Variants in C6orf132 observed in about 807,000 individuals in gnomAD.
The protein encoded by C6orf132 is chromosome 6 open reading frame 132, also known as uncharacterized protein C6orf132.
A neutral mutation model predicts 65.3 loss-of-function variants in C6orf132; 43 were observed. The observed-to-expected ratio is 0.66, with a 90% CI of 0.52 to 0.85. The LOEUF (loss-of-function observed/expected upper bound fraction) is 0.85. Among genes scored for constraint, C6orf132 ranks in the 40% least tolerant of loss-of-function variants. The pLI is 0.00. For missense variants in C6orf132, 1,488 were observed against 1,548.8 expected (o/e 0.96, Z 0.66); for synonymous variants, 631 against 654.1 (o/e 0.96, Z 0.54).
Position 42,104,633 on chromosome 6 carries a change from C to A in C6orf132, c.3279G>T (p.Gly1093=). The part of the protein sequence containing the change: ...GRSLSSPNCF[G]PQPGGPEMRR... ...GCATCTCGGGGCCTCCGGGCTGCGGCCCGAAGCAGTTGGGAGAGCTCAGGC... is the reference window on the plus strand; with the variant it reads ...GCATCTCGGGGCCTCCGGGCTGCGGACCGAAGCAGTTGGGAGAGCTCAGGC... Residue 1093 remains glycine, a synonymous_variant, in exon 4 of 5, where the codon GGG becomes GGT. Coordinates refer to ENST00000341865, the MANE Select transcript of C6orf132 (RefSeq NM_001164446.3). This position sits in a 1 kb window ranked among gnomAD's most constrained non-coding sequence, Gnocchi z 4.1. 7.0e-7 allele frequency: 1 copy of A among 1,418,500 alleles called. No individual in the cohort carries two copies. The highest frequency in any genetic ancestry group is 9.1e-7 in the Non-Finnish European group (1 of 1,093,694). 87.9% of individuals were successfully genotyped at this position (1,418,500 alleles called of 1,614,324 possible).
In C6orf132 at chr6:42,128,731, C is replaced by A; in HGVS notation, c.193G>T (p.Gly65Ter). The A allele has an allele frequency of 6.4e-7, 1 of 1,551,600 alleles. No homozygotes were observed. The highest frequency in any genetic ancestry group is 8.7e-7 in the Non-Finnish European group (1 of 1,146,982). The change falls in exon 2 of 5, where the codon GGA becomes TGA. Residue 65 changes from glycine to a stop codon, truncating the protein, a stop_gained. Transcript: ENST00000341865. LOFTEE classifies it high-confidence loss of function. Reference protein sequence around the residue: ...DNRFNTVSESGTATLKARPRV... With the variant: ...DNRFNTVSES ...GGCCGAGCTTTCAGCGTGGCTGTTC[C>A]TGACTCGCTCACTGTGTTAAACCGA... is the stretch of plus-strand genomic sequence containing the variant.
In C6orf132 at chr6:42,106,635, G is replaced by A; in HGVS notation, c.1277C>T (p.Pro426Leu). The change falls in exon 4 of 5, where the codon CCA becomes CTA. Residue 426 changes from proline to leucine, a missense_variant. Transcript: ENST00000341865. The part of the protein sequence containing the change: ...PLPCAQKAAH[P>L]PAGFTKTPKS... ...AGGGGTTTTTGTAAACCCAGCAGGT[G>A]GATGGGCTGCCTTCTGAGCACAGGG... 1.3e-6 allele frequency: 2 copies of A among 1,534,302 alleles called. No homozygotes were observed. Among genetic ancestry groups the A allele is most frequent in the Middle Eastern group, 1.7e-4 (1 of 5,936 alleles).
intron 1 of C6orf132, among the ~76,000 whole-genome samples, chr6:42,137,186 C>T (rs1006855424): frequency 4.6e-5 from 7 of 152,126 alleles, no homozygotes; most frequent in Non-Finnish European, 8.8e-5. Flanking sequence ...AGTCCAGAGC[C>T]TGGTGACAAT....
Position 42,102,945 on chromosome 6 carries a change from G to C in C6orf132, c.*816C>G. 2.5e-6 allele frequency: 1 copy of C among 397,596 alleles called. No individual in the cohort carries two copies. Among genetic ancestry groups the C allele is most frequent in the East Asian group, 3.6e-5 (1 of 28,062 alleles). 24.6% of individuals were successfully genotyped at this position (397,596 alleles called of 1,614,324 possible). The stretch of plus-strand genomic sequence containing the variant: ...AAGCCTAAGACTCATGGCTCCTTGG[G>C]CCCAGTCCCCAAAATCAGGGCTGCA... On this transcript the variant is annotated 3_prime_UTR_variant, in exon 5 of 5. Coordinates refer to ENST00000341865, the MANE Select transcript of C6orf132 (RefSeq NM_001164446.3).
chr6:42,119,804 C>T (rs1766650136), intron 2 of C6orf132, among the ~76,000 whole-genome samples: 1 of 151,652 alleles, frequency 6.6e-6, no homozygotes, highest in African/African-American at 2.4e-5. Flanking sequence ...CCTTTAAAAA[C>T]CATCACAGTG....
At chr6:42,116,255 C>A (rs1024643211) in intron 2 of C6orf132, among the ~76,000 whole-genome samples, 2 of 152,158 alleles carry the variant, frequency 1.3e-5, no homozygotes, top group African/African-American at 4.8e-5. Context: ...TCACTTAACT[C>A]ATTTGCTTTT....
Position 42,106,850 on chromosome 6 carries a change from T to G in C6orf132, c.1062A>C (p.Pro354=). 2.0e-6 allele frequency: 3 copies of G among 1,535,012 alleles called. No homozygotes were observed. The highest frequency in any genetic ancestry group is 1.8e-4 in the Middle Eastern group (1 of 5,584). The change falls in exon 4 of 5, where the codon CCA becomes CCC. Residue 354 remains proline (P), a synonymous_variant. Coordinates refer to ENST00000341865, the MANE Select transcript of C6orf132 (RefSeq NM_001164446.3). ...GGCAGTCTGGCTCGGGGGCCCTGTC[T>G]GGGTAGACCTGGGAGGCGGGGCGGA... ...FHIRPASQVY[P]DRAPEPDCPG...
At chr6:42,111,131 TTG>T (rs1491087692) in intron 2 of C6orf132, among the ~76,000 whole-genome samples, 7 of 151,454 alleles carry the variant, frequency 4.6e-5, no homozygotes, top group African/African-American at 1.5e-4. Flanking sequence ...GAATTTTTTT[TTG>T]TTTTAATTGA....
In C6orf132 at chr6:42,105,929, T is replaced by C. The variant is rs1216715939; in HGVS notation, c.1983A>G (p.Thr661=). ...IPPKATLWPA[T]PPKATLGPAT... The stretch of plus-strand genomic sequence containing the variant: ...CTGGCCCAAGTGTGGCCTTGGGTGG[T>C]GTGGCTGGCCAAAGTGTAGCCTTGG... Residue 661 remains threonine, a synonymous_variant, in exon 4 of 5, where the codon ACA becomes ACG. Coordinates refer to ENST00000341865, the MANE Select transcript of C6orf132 (RefSeq NM_001164446.3). The C allele has an allele frequency of 5.2e-6, 8 of 1,536,972 alleles. No homozygotes were observed. In the East Asian group the frequency reaches 2.0e-4, roughly 38 times the overall value.
At position 42,142,490 on chromosome 6, in the gene C6orf132, C is replaced by CGCCCT; in HGVS notation, c.-51_-47dup. On this transcript the variant is annotated 5_prime_UTR_variant, in exon 1 of 5. Transcript: ENST00000341865. Reference sequence around the variant, plus strand: ...CGCCAGGGAAGGACCTTCCCTCCCTCGCCCTGCCCTGCCCCGGACTGAACT... The same window carrying CGCCCT: ...CGCCAGGGAAGGACCTTCCCTCCCTCGCCCTGCCCTGCCCTGCCCCGGACTGAACT... The CGCCCT allele has an allele frequency of 6.5e-7, 1 of 1,538,946 alleles. No individual in the cohort carries two copies. Among genetic ancestry groups the CGCCCT allele is most frequent in the Non-Finnish European group, 8.8e-7 (1 of 1,141,330 alleles).
In C6orf132 at chr6:42,128,695, G is replaced by C; in HGVS notation, c.229C>G (p.Pro77Ala). 6.4e-7 allele frequency: 1 copy of C among 1,551,420 alleles called. No individual in the cohort carries two copies. Among genetic ancestry groups the C allele is most frequent in the Non-Finnish European group, 8.7e-7 (1 of 1,146,924 alleles). Residue 77 changes from proline (P) to alanine (A), a missense_variant, in exon 2 of 5, where the codon CCC becomes GCC. Pro to Ala is a conservative substitution (Grantham distance 27, BLOSUM62 -1). Coordinates refer to ENST00000341865, the MANE Select transcript of C6orf132 (RefSeq NM_001164446.3). ...ACCAGCGGAAGGAAGGTCAGCAGGG[G>C]CCGGACTCTTGGCCGAGCTTTCAGC... ...ATLKARPRVR[P>A]LLTFLPLNAQ...
chr6:42,116,685 T>G (rs1582274712), intron 2 of C6orf132, among the ~76,000 whole-genome samples: 1 of 152,298 alleles, frequency 6.6e-6, no homozygotes, highest in South Asian at 2.1e-4. Flanking sequence ...CTGTGAGAAC[T>G]TTCATAAGTT....
chr6:42,104,172 G>A lies in C6orf132; in HGVS notation c.3449+291C>T, dbSNP rs114251954. Among the ~76,000 whole-genome samples the A allele has an allele frequency of 0.016, 2,364 of 152,252 alleles. 68 individuals carry two copies. The highest frequency in any genetic ancestry group is 0.054 in the African/African-American group (2,254 of 41,552). ...TGTTGGGAAATCCCTCCACCCAAGG[G>A]CCACTCAGATCTCTCCCCGCCCCAC... is the stretch of plus-strand genomic sequence containing the variant. On this transcript the variant is annotated intron_variant, in intron 4 of 4. Transcript: ENST00000341865. The surrounding 1 kb of genome is among the most constrained non-coding windows in gnomAD (Gnocchi z 4.1).
rs1766325985 is a variant in C6orf132, at chr6:42,103,330, G to A, written c.*431C>T. On this transcript the variant is annotated 3_prime_UTR_variant, in exon 5 of 5. Transcript: ENST00000341865. ...GAGCTGGGCCTCAGCCCTTTGCAAG[G>A]GCCTGACAGGCAATCACAGCTATCT... 5.0e-6 allele frequency: 2 copies of A among 397,450 alleles called. No individual in the cohort carries two copies. Among genetic ancestry groups the A allele is most frequent in the South Asian group, 1.4e-4 (1 of 7,028 alleles). 24.6% of individuals were successfully genotyped at this position (397,450 alleles called of 1,614,324 possible). A position where few individuals can be genotyped will look rare whatever the true frequency, so the allele number is the denominator to read the frequency against.
rs1766419038 is a variant in C6orf132, at chr6:42,106,883, G to C, written c.1029C>G (p.Ser343Arg). ...CCTGGGAGGCGGGGCGGATGTGGAA[G>C]CTGGGAGGCAGTGGGAGTCGGCTGG... ...KAPSRLPLPP[S>R]FHIRPASQVY... is the part of the protein sequence containing the mutation. Residue 343 changes from serine to arginine, a missense_variant, in exon 4 of 5, where the codon AGC becomes AGG. Transcript: ENST00000341865. 6.5e-7 allele frequency: 1 copy of C among 1,535,492 alleles called. No individual in the cohort carries two copies. Among genetic ancestry groups the C allele is most frequent in the Non-Finnish European group, 8.7e-7 (1 of 1,146,062 alleles).
intron 2 of C6orf132, among the ~76,000 whole-genome samples, chr6:42,113,101 G>T (rs1766517337): frequency 6.6e-6 from 1 of 152,168 alleles, no homozygotes; most frequent in African/African-American, 2.4e-5. Context: ...TCAGAAGTGT[G>T]TCTCCCATGA....
At chr6:42,113,261 G>A (rs1341993380) in intron 2 of C6orf132, among the ~76,000 whole-genome samples, 1 of 152,198 alleles carries the variant, frequency 6.6e-6, no homozygotes, top group African/African-American at 2.4e-5. Flanking sequence ...ATTGAAAAGC[G>A]GAAAGGCTGG....
At position 42,104,784 on chromosome 6, in the gene C6orf132, G is replaced by T. The variant is rs966077790; in HGVS notation, c.3128C>A (p.Ala1043Glu). Residue 1043 changes from alanine to glutamate, a missense_variant, in exon 4 of 5, where the codon GCG becomes GAG. Physicochemically the swap from Ala to Glu is moderately radical, Grantham distance 107. Transcript: ENST00000341865. This position sits in a 1 kb window ranked among gnomAD's most constrained non-coding sequence, Gnocchi z 4.1. ...ALGFSRFPAG[A>E]RYAGAGGLER... ...CAGGCCCCCAGCCCCGGCGTAGCGC[G>T]CGCCCGCGGGAAAGCGCGAGAAGCC... is the stretch of plus-strand genomic sequence containing the variant. 3.3e-6 allele frequency: 5 copies of T among 1,501,144 alleles called. No individual in the cohort carries two copies. The highest frequency in any genetic ancestry group is 4.4e-6 in the Non-Finnish European group (5 of 1,132,274). 93.0% of individuals were successfully genotyped at this position (1,501,144 alleles called of 1,614,324 possible).
rs1344420165 is a variant in C6orf132, at chr6:42,142,573, C to A, written c.-129G>T. The A allele has an allele frequency of 3.6e-6, 3 of 824,844 alleles. No homozygotes were observed. Among genetic ancestry groups the A allele is most frequent in the Non-Finnish European group, 5.0e-6 (3 of 603,310 alleles). The allele number at this position is 824,844 out of a possible 1,614,324, so 51.1% of individuals were successfully genotyped here. ...CATGTCCCCCGCCGTCCTCCCCGCC[C>A]GCGCACCGGGCAACAGGTGCTGCGG... On this transcript the variant is annotated 5_prime_UTR_variant, in exon 1 of 5. Transcript: ENST00000341865.
Sources: allele counts gnomAD v4.1 joint callset (sites outside exome capture counted in the v4.1 genomes callset), GRCh38; gene constraint gnomAD v4.1.1; non-coding constraint Gnocchi (gnomAD v3.1); transcripts MANE v1.5; gene names NCBI Gene and HGNC (gene_info 2026-07-23, HGNC 2026-07-21).